Variants in LRRC7 observed in about 807,000 individuals in gnomAD.
LRRC7 encodes leucine-rich repeat-containing protein 7.
In LRRC7, 23 loss-of-function variants were observed where a neutral mutation model predicts 175.7. The ratio of observed to expected loss-of-function variants is 0.13; its 90% CI spans 0.09 to 0.19. The LOEUF is 0.19. Ranked by LOEUF, LRRC7 falls within the 10% of genes least tolerant of loss-of-function variation. The pLI is 1.00. For synonymous variants in LRRC7, 685 were observed against 680.9 expected (o/e 1.01, Z -0.09); for missense variants, 1,354 against 1,904.7 (o/e 0.71, Z 5.38).
chr1:69,810,587 A>G (rs1037263281), intron 4 of LRRC7, among the ~76,000 whole-genome samples: 3 of 152,006 alleles, frequency 2.0e-5, no homozygotes, highest in Admixed American at 2.0e-4. Context: ...ATAGACCAAT[A>G]GAACAGAATA....
chr1:70,023,846 A>C (rs1657785968), intron 17 of LRRC7, among the ~76,000 whole-genome samples: 1 of 152,150 alleles, frequency 6.6e-6, no homozygotes, highest in African/African-American at 2.4e-5. Context: ...AAGCACAAAG[A>C]TAGACATCTG....
intron 8 of LRRC7, among the ~76,000 whole-genome samples, chr1:69,964,025 T>C (rs1379204401): frequency 6.6e-6 from 1 of 152,206 alleles, no homozygotes; most frequent in Non-Finnish European, 1.5e-5. Flanking sequence ...TTAGGTAACA[T>C]CATGCTAGGT....
In LRRC7 at chr1:70,039,162, C is replaced by T; in HGVS notation, c.3338C>T (p.Ala1113Val). 1 of 1,614,134 alleles carries T rather than the reference C, an allele frequency of 6.2e-7. No homozygotes were observed. ...GCCAAGGATTTGATTAGTCCTAGAG[C>T]TTACAGAGGATACCCACCGATGGAG... is the stretch of plus-strand genomic sequence containing the variant. ...NIAKDLISPRAYRGYPPMEQM... is the reference protein window; with the variant it reads ...NIAKDLISPRVYRGYPPMEQM... Residue 1113 changes from alanine to valine, a missense_variant, in exon 21 of 27, where the codon GCT becomes GTT. Ala to Val is a moderately conservative substitution (Grantham distance 64). Around this residue, in one of 4 missense-constraint regions of LRRC7, gnomAD observed 1,032 missense variants for 1,227.2 expected, o/e 0.84. Coordinates refer to ENST00000651989, the MANE Select transcript of LRRC7 (RefSeq NM_001370785.2).
chr1:69,615,748 G>A (rs1649506909), intron 1 of LRRC7, among the ~76,000 whole-genome samples: 1 of 151,876 alleles, frequency 6.6e-6, no homozygotes, highest in Non-Finnish European at 1.5e-5. Context: ...TTCAGATTTG[G>A]GTTACTGTGA....
At chr1:69,924,784 C>G (rs934146662) in intron 7 of LRRC7, among the ~76,000 whole-genome samples, 2 of 152,098 alleles carry the variant, frequency 1.3e-5, no homozygotes, top group African/African-American at 2.4e-5. Flanking sequence ...AATTGGATAC[C>G]CTTTATTTCT....
intron 3 of LRRC7, among the ~76,000 whole-genome samples, chr1:69,762,454 G>A (rs1454053728): frequency 6.6e-6 from 1 of 152,000 alleles, no homozygotes; most frequent in African/African-American, 2.4e-5. Flanking sequence ...ATAGAGAAGA[G>A]CTCCATTTTT....
chr1:70,018,559 A>C (rs1657161087), intron 14 of LRRC7, among the ~76,000 whole-genome samples, 160 bp from the exon 15 acceptor site: 1 of 152,120 alleles, frequency 6.6e-6, no homozygotes, highest in African/African-American at 2.4e-5. Flanking sequence ...AGAATATGAA[A>C]ATATTCCTCA....
rs554763496 is a variant in LRRC7, at chr1:70,140,135, T to C, written c.*18248T>C. On this transcript the variant is annotated 3_prime_UTR_variant, in exon 27 of 27. Transcript: ENST00000651989. ...ATCTTGTCGAGTAGTATGTGCTGGT[T>C]TTGGAAAGGTGAAAAGAAAATTGTT... is the stretch of plus-strand genomic sequence containing the variant. 1.3e-5 allele frequency: 2 copies of C among 152,228 alleles called. No individual in the cohort carries two copies. Among genetic ancestry groups the C allele is most frequent in the African/African-American group, 4.8e-5 (2 of 41,532 alleles). 9.4% of individuals were successfully genotyped at this position (152,228 alleles called of 1,614,324 possible). A position where few individuals can be genotyped will look rare whatever the true frequency, so the allele number is the denominator to read the frequency against.
intron 24 of LRRC7, among the ~76,000 whole-genome samples, chr1:70,085,349 G>T (rs1195741968): frequency 6.6e-6 from 1 of 152,138 alleles, no homozygotes; most frequent in Non-Finnish European, 1.5e-5. Flanking sequence ...TCTTCTGCAT[G>T]TGGGTATCTT....
chr1:69,890,576 G>T (rs1645804165), intron 7 of LRRC7, among the ~76,000 whole-genome samples: 1 of 152,192 alleles, frequency 6.6e-6, no homozygotes, highest in Non-Finnish European at 1.5e-5. Flanking sequence ...AGTGGCATTA[G>T]CCTCTAATAA....
At chr1:69,595,417 AAAACAAACAAAAAAC>A (rs1458775153) in intron 1 of LRRC7, among the ~76,000 whole-genome samples, 1 of 152,152 alleles carries the variant, frequency 6.6e-6, no homozygotes, top group East Asian at 1.9e-4. Flanking sequence ...TCCATCTCAA[AAAACAAACAAAAAAC>A]AAACAAACAA....
intron 7 of LRRC7, among the ~76,000 whole-genome samples, chr1:69,909,505 T>C (rs1304851847): frequency 2.6e-5 from 4 of 152,066 alleles, no homozygotes. Flanking sequence ...GTCTGTAAAG[T>C]ATTTTTTTTC....
intron 7 of LRRC7, among the ~76,000 whole-genome samples, chr1:69,922,584 A>G (rs994968445): frequency 7.9e-5 from 12 of 152,138 alleles, no homozygotes; most frequent in African/African-American, 2.9e-4. Context: ...TATTTTTGTT[A>G]TGGAATAAAT....
chr1:70,048,071 A>G (rs1018962492), intron 22 of LRRC7, among the ~76,000 whole-genome samples: 1 of 152,056 alleles, frequency 6.6e-6, no homozygotes, highest in East Asian at 1.9e-4. Context: ...TAATGGTTCC[A>G]TGTGCTTCTT....
At chr1:69,802,935 A>T (rs753965228) in intron 4 of LRRC7, among the ~76,000 whole-genome samples, 6 of 151,262 alleles carry the variant, frequency 4.0e-5, no homozygotes, top group Non-Finnish European at 7.4e-5. Context: ...TGGATATTTA[A>T]TTCATTTGCA....
intron 1 of LRRC7, among the ~76,000 whole-genome samples, chr1:69,622,679 A>G (rs1478915776): frequency 6.6e-6 from 1 of 152,176 alleles, no homozygotes; most frequent in East Asian, 1.9e-4. Context: ...TAGAAGAACA[A>G]TAAGGAATTT....
At chr1:69,681,608 A>T (rs1557593032) in intron 2 of LRRC7, among the ~76,000 whole-genome samples, 1 of 152,172 alleles carries the variant, frequency 6.6e-6, no homozygotes, top group African/African-American at 2.4e-5. Flanking sequence ...ATTTTTAAAC[A>T]TGTTTAAGGT....
Position 69,589,006 on chromosome 1 carries a change from T to C in LRRC7, c.2+20365T>C, listed in dbSNP as rs1044106829. Among the ~76,000 whole-genome samples the C allele has an allele frequency of 2.0e-5, 3 of 151,456 alleles. No homozygotes were observed. The East Asian group carries it at 5.8e-4, about 29-fold the overall frequency. ...GGGTCTGTGTGTGTGTGTGTGTGTG[T>C]GTGCGTGCATGTGATGTAATATACA... is the stretch of plus-strand genomic sequence containing the variant. On this transcript the variant is annotated intron_variant, in intron 1 of 26. Coordinates refer to ENST00000651989, the MANE Select transcript of LRRC7 (RefSeq NM_001370785.2).
chr1:69,733,681 T>C (rs1037488079), intron 2 of LRRC7, among the ~76,000 whole-genome samples: 8 of 152,048 alleles, frequency 5.3e-5, no homozygotes, highest in African/African-American at 1.9e-4. Flanking sequence ...CTTTAAACTA[T>C]CAAACCATTC....
Sources: gnomAD v4.1 joint callset for allele counts (sites outside exome capture counted in the v4.1 genomes callset) on GRCh38, gnomAD v4.1.1 for gene constraint, gnomAD v4.1.1 regional missense constraint, MANE v1.5 for transcripts, NCBI Gene and HGNC (gene_info 2026-07-23, HGNC 2026-07-21) for gene names.